Variants in NHSL2 observed in about 807,000 individuals in gnomAD.
NHSL2 encodes NHS like 2.
In NHSL2, 27 loss-of-function variants were observed where a neutral mutation model predicts 53.4. The observed-to-expected ratio is 0.51, with a 90% CI of 0.37 to 0.70. The LOEUF (loss-of-function observed/expected upper bound fraction) is 0.70. Ranked by LOEUF, NHSL2 falls within the 30% of genes least tolerant of loss-of-function variation. The pLI is 0.00. For missense variants in NHSL2, 892 were observed against 980.1 expected, an observed-to-expected ratio of 0.91 and a Z score of 1.20; for synonymous variants, 408 against 404.1, an observed-to-expected ratio of 1.01 and a Z score of -0.12.
At chrX:71,978,639 G>T (rs147890978) in intron 1 of NHSL2, among the ~76,000 whole-genome samples, 7 of 110,217 alleles carry the variant, frequency 6.4e-5, no homozygotes, top group Admixed American at 9.6e-5. Flanking sequence ...TTTCTGTTAG[G>T]CTGGCCCTGG....
At chrX:72,096,338 CTG>C (rs762127721) in intron 1 of NHSL2, among the ~76,000 whole-genome samples, 1 of 111,702 alleles carries the variant, frequency 9.0e-6, no homozygotes, top group East Asian at 2.8e-4. Flanking sequence ...TTTTAGCTAA[CTG>C]TGTCCCCAGG....
At chrX:72,044,046 C>A (rs140087617) in intron 1 of NHSL2, among the ~76,000 whole-genome samples, 1 of 111,561 alleles carries the variant, frequency 9.0e-6, no homozygotes, top group African/African-American at 3.3e-5. Context: ...GTTGAGAGGA[C>A]GGTGGGGAGT....
intron 1 of NHSL2, among the ~76,000 whole-genome samples, chrX:71,965,714 A>G (rs750029627): frequency 1.8e-5 from 2 of 112,285 alleles, no homozygotes; most frequent in South Asian, 7.4e-4. Context: ...TGACATCTTG[A>G]CAATGTTGAG....
At chrX:71,976,254 A>G (rs1418551334) in intron 1 of NHSL2, among the ~76,000 whole-genome samples, 1 of 112,105 alleles carries the variant, frequency 8.9e-6, no homozygotes, top group African/African-American at 3.2e-5. Context: ...CCCAGCTGCC[A>G]TTTATAAGCT....
intron 1 of NHSL2, chrX:72,044,455 C>A: frequency 2.2e-6 from 1 of 454,239 alleles, no homozygotes; most frequent in South Asian, 3.3e-5. Context: ...GGCCCCCATT[C>A]CTCTACATTC....
At chrX:72,066,780 T>A (rs758737347) in intron 1 of NHSL2, among the ~76,000 whole-genome samples, 1 of 111,404 alleles carries the variant, frequency 9.0e-6, no homozygotes, top group South Asian at 3.8e-4. Context: ...TAGATTAAAC[T>A]AGTATTATCT....
At chrX:72,129,957 G>T (rs146873637) in intron 1 of NHSL2, 1 of 1,211,485 alleles carries the variant, frequency 8.3e-7, no homozygotes, top group Non-Finnish European at 1.1e-6. Context: ...TCAGTTGGGG[G>T]GAGCTGTAGA....
At chrX:72,121,638 G>C (rs1639220998) in intron 1 of NHSL2, among the ~76,000 whole-genome samples, 1 of 111,835 alleles carries the variant, frequency 8.9e-6, no homozygotes, top group Non-Finnish European at 1.9e-5. Context: ...TTGTCTTTCT[G>C]CCAGCCCCCA....
In NHSL2 at chrX:72,130,735, T is replaced by G. The variant is rs759763617; in HGVS notation, c.281-1344T>G. ...GAGGAATTGGTTTTGGAGGCGGCAGTCATCCCAAGACAAGAATTGGGCCAG... is the reference window on the plus strand; with the variant it reads ...GAGGAATTGGTTTTGGAGGCGGCAGGCATCCCAAGACAAGAATTGGGCCAG... On this transcript the variant is annotated intron_variant, in intron 1 of 7. Coordinates refer to ENST00000633930, the MANE Select transcript of NHSL2 (RefSeq NM_001013627.3). The G allele has an allele frequency of 6.6e-6, 8 of 1,211,892 alleles. No homozygotes were observed. In the East Asian group the frequency reaches 2.1e-4, roughly 31 times the overall value.
At chrX:72,107,039 C>T (rs1041817589) in intron 1 of NHSL2, among the ~76,000 whole-genome samples, 28 of 110,710 alleles carry the variant, frequency 2.5e-4, no homozygotes, top group Non-Finnish European at 3.0e-4. Context: ...GTGCAGCAAA[C>T]CAACATGGCA....
chrX:71,918,100 G>A (rs767255615), intron 1 of NHSL2, among the ~76,000 whole-genome samples: 47 of 111,516 alleles, frequency 4.2e-4, no homozygotes, highest in Non-Finnish European at 7.2e-4. Context: ...CCAGGCCCTG[G>A]GCCCCTCTAA....
At chrX:72,100,121 T>C in intron 1 of NHSL2, among the ~76,000 whole-genome samples, 2 of 112,207 alleles carry the variant, frequency 1.8e-5, no homozygotes, top group East Asian at 5.6e-4. Flanking sequence ...ATTCAACGTA[T>C]GCTGGTTGAG....
chrX:72,091,013 C>T (rs1169532192), intron 1 of NHSL2, among the ~76,000 whole-genome samples: 2 of 111,762 alleles, frequency 1.8e-5, no homozygotes, highest in South Asian at 3.7e-4. Flanking sequence ...TTATCTGACC[C>T]GTCTCCTACT....
At chrX:71,984,275 T>C (rs2041993419) in intron 1 of NHSL2, among the ~76,000 whole-genome samples, 1 of 112,118 alleles carries the variant, frequency 8.9e-6, no homozygotes, top group African/African-American at 3.2e-5. Flanking sequence ...ATCTTGAAGA[T>C]TAATAAGTAT....
Position 72,131,101 on chromosome X carries a change from G to T in NHSL2, c.281-978G>T, listed in dbSNP as rs767467207. On this transcript the variant is annotated intron_variant, in intron 1 of 7. Coordinates refer to ENST00000633930, the MANE Select transcript of NHSL2 (RefSeq NM_001013627.3). The stretch of plus-strand genomic sequence containing the variant: ...GGGCTCTATCTCAGGCCGCTCCAGC[G>T]GTGCCAGAGGGGGTTGCGGGGGCGG... 6 of 1,207,929 alleles carry T rather than the reference G, an allele frequency of 5.0e-6. No homozygotes were observed. In the East Asian group the frequency reaches 1.5e-4, roughly 30 times the overall value.
rs184916234 is a variant in NHSL2, at chrX:71,971,906, C to T, written c.280+60539C>T. On this transcript the variant is annotated intron_variant, in intron 1 of 7. Transcript: ENST00000633930. ...CTGCATTCCATCCTGGGCAACAGAG[C>T]GAGCCCCCATCTCTTAAAAAAATTG... 1.4e-3 allele frequency among the ~76,000 whole-genome samples: 151 copies of T among 111,408 alleles called. 1 individual carries two copies. Among genetic ancestry groups the T allele is most frequent in the African/African-American group, 4.7e-3 (143 of 30,695 alleles).
rs768771267 is a variant in NHSL2, at chrX:72,130,277, C to G, written c.281-1802C>G. The G allele has an allele frequency of 2.7e-5, 32 of 1,200,834 alleles. No homozygotes were observed. The highest frequency in any genetic ancestry group is 3.6e-5 in the Non-Finnish European group (32 of 888,482). ...CCATCCTCATCTTCATCTTCTTCATCCTTACTCTCTCCTTCCTCCTCATTC... is the reference window on the plus strand; with the variant it reads ...CCATCCTCATCTTCATCTTCTTCATGCTTACTCTCTCCTTCCTCCTCATTC... On this transcript the variant is annotated intron_variant, in intron 1 of 7. Transcript: ENST00000633930.
chrX:72,081,106 G>A (rs1029050574), intron 1 of NHSL2, among the ~76,000 whole-genome samples: 1 of 112,610 alleles, frequency 8.9e-6, no homozygotes, highest in Non-Finnish European at 1.9e-5. Flanking sequence ...TGCATCAGGC[G>A]TATGCTCAAA....
chrX:72,085,259 C>T (rs148857298), intron 1 of NHSL2, among the ~76,000 whole-genome samples: 1,483 of 112,129 alleles, frequency 0.013, 24 homozygotes, highest in African/African-American at 0.046. Flanking sequence ...CTCTCAAAGA[C>T]ACATGCAGTT....
Sources: allele counts gnomAD v4.1 joint callset (sites outside exome capture counted in the v4.1 genomes callset), GRCh38; gene constraint gnomAD v4.1.1; transcripts MANE v1.5; gene names NCBI Gene and HGNC (gene_info 2026-07-23, HGNC 2026-07-21).